Variants in PIWIL2 observed in about 807,000 individuals in gnomAD.
The protein encoded by PIWIL2 is piwi-like protein 2.
Under a neutral mutation model 116.5 loss-of-function variants are expected in PIWIL2, and 81 were observed. That is an observed-to-expected ratio of 0.70 (90% CI 0.58 to 0.84). PIWIL2 has a LOEUF of 0.84. Ranked by LOEUF, PIWIL2 falls within the 40% of genes least tolerant of loss-of-function variation. PIWIL2 has a pLI of 0.00. For missense variants in PIWIL2, 1,272 were observed against 1,212.3 expected, an observed-to-expected ratio of 1.05 and a Z score of -0.73; for synonymous variants, 489 against 429.5, an observed-to-expected ratio of 1.14 and a Z score of -1.71.
intron 20 of PIWIL2, among the ~76,000 whole-genome samples, chr8:22,331,863 C>T (rs960708199): frequency 6.6e-6 from 1 of 151,952 alleles, no homozygotes; most frequent in African/African-American, 2.4e-5. Flanking sequence ...ACCTTAAGTA[C>T]CTCTTTTAAG....
chr8:22,354,416 A>G (rs1038532923), intron 22 of PIWIL2, 38 bp downstream of exon 22: 5 of 1,342,546 alleles, frequency 3.7e-6, no homozygotes, highest in South Asian at 3.5e-5. Context: ...TCTTTCTTAA[A>G]TAATTCTGGC....
intron 20 of PIWIL2, among the ~76,000 whole-genome samples, chr8:22,334,879 A>C (rs1471210488): frequency 6.6e-6 from 1 of 151,792 alleles, no homozygotes; most frequent in Non-Finnish European, 1.5e-5. Flanking sequence ...ACATAGTGAA[A>C]CCTCATCTCT....
At chr8:22,326,439 T>A (rs1390750720) in intron 20 of PIWIL2, among the ~76,000 whole-genome samples, 1 of 152,148 alleles carries the variant, frequency 6.6e-6, no homozygotes, top group Admixed American at 6.5e-5. Flanking sequence ...AGAGGATCTC[T>A]AGTTTAAAAA....
rs568498963 is a variant in PIWIL2, at chr8:22,340,520, A to G, written c.2404-12439A>G. Among the ~76,000 whole-genome samples the G allele has an allele frequency of 5.9e-5, 9 of 152,276 alleles. No homozygotes were observed. In the South Asian group the frequency reaches 1.2e-3, roughly 21 times the overall value. On this transcript the variant is annotated intron_variant, in intron 20 of 22. Coordinates refer to ENST00000356766, the MANE Select transcript of PIWIL2 (RefSeq NM_018068.5). ...CCAGATTAGAGTGGGTCCTAAGCCAATGATGGGTATTACCTTAAGAAGACA... is the reference window on the plus strand; with the variant it reads ...CCAGATTAGAGTGGGTCCTAAGCCAGTGATGGGTATTACCTTAAGAAGACA...
At position 22,303,858 on chromosome 8, in the gene PIWIL2, C is replaced by T. The variant is rs182987577; in HGVS notation, c.1182-163C>T. On this transcript the variant is annotated intron_variant, in intron 10 of 22. Coordinates refer to ENST00000356766, the MANE Select transcript of PIWIL2 (RefSeq NM_018068.5). ...CCTCCTAAAATGCTGGGATTACAAG[C>T]GTGAGCCACTGCATCTGGCCAAGAG... Among the ~76,000 whole-genome samples, 23 of 152,258 alleles carry T rather than the reference C, an allele frequency of 1.5e-4. No homozygotes were observed. The East Asian group carries it at 3.1e-3, about 20-fold the overall frequency.
chr8:22,348,521 T>A, intron 20 of PIWIL2, among the ~76,000 whole-genome samples: 1 of 152,180 alleles, frequency 6.6e-6, no homozygotes. Flanking sequence ...ACTTACTGTT[T>A]CAAGTATCTA....
intron 20 of PIWIL2, among the ~76,000 whole-genome samples, chr8:22,349,475 GAGA>G (rs1174575522): frequency 5.4e-5 from 8 of 148,676 alleles, no homozygotes; most frequent in Admixed American, 4.7e-4. Context: ...TAACAACCCT[GAGA>G]AGAAGGTGAG....
intron 20 of PIWIL2, among the ~76,000 whole-genome samples, chr8:22,332,476 AG>A (rs1243864060): frequency 6.6e-6 from 1 of 152,148 alleles, no homozygotes; most frequent in African/African-American, 2.4e-5. Context: ...CCCAAACCAT[AG>A]ATTCAGAAAG....
At chr8:22,335,390 G>A (rs1245817810) in intron 20 of PIWIL2, among the ~76,000 whole-genome samples, 2 of 146,278 alleles carry the variant, frequency 1.4e-5, no homozygotes, top group African/African-American at 2.5e-5. Context: ...TCTTGAGACA[G>A]GATCTCTGTT....
intron 20 of PIWIL2, among the ~76,000 whole-genome samples, chr8:22,329,240 A>T (rs1831802795): frequency 6.6e-6 from 1 of 152,228 alleles, no homozygotes; most frequent in South Asian, 2.1e-4. Context: ...GATTAATACC[A>T]AATTAATTTT....
intron 20 of PIWIL2, among the ~76,000 whole-genome samples, chr8:22,331,233 TC>T (rs1230591122): frequency 6.6e-6 from 1 of 151,982 alleles, no homozygotes; most frequent in Non-Finnish European, 1.5e-5. Flanking sequence ...AGATAATTGA[TC>T]AGACACATTT....
intron 20 of PIWIL2, among the ~76,000 whole-genome samples, chr8:22,327,885 C>T (rs947577977): frequency 6.6e-6 from 1 of 152,142 alleles, no homozygotes; most frequent in Admixed American, 6.6e-5. Flanking sequence ...TTACAAATAT[C>T]TCCCCCCATT....
At chr8:22,319,596 A>G (rs1238123426) in intron 20 of PIWIL2, among the ~76,000 whole-genome samples, 1 of 152,176 alleles carries the variant, frequency 6.6e-6, no homozygotes, top group Non-Finnish European at 1.5e-5. Flanking sequence ...ATTACCCTGA[A>G]ACTTAGTGGC....
chr8:22,332,294 A>G (rs1340130100), intron 20 of PIWIL2, among the ~76,000 whole-genome samples: 1 of 152,130 alleles, frequency 6.6e-6, no homozygotes, highest in Non-Finnish European at 1.5e-5. Context: ...GGGCTTACAC[A>G]GTGAGACTCT....
In PIWIL2 at chr8:22,355,761, G is replaced by C. The variant is rs573905095; in HGVS notation, c.*256G>C. ...GGTACTGCCACTCTGCAGGTGGAGCGGGTGACTCTGGGGGACCATTAAGAC... is the reference window on the plus strand; with the variant it reads ...GGTACTGCCACTCTGCAGGTGGAGCCGGTGACTCTGGGGGACCATTAAGAC... On this transcript the variant is annotated 3_prime_UTR_variant, in exon 23 of 23. Coordinates refer to ENST00000356766, the MANE Select transcript of PIWIL2 (RefSeq NM_018068.5). 25 of 455,946 alleles carry C rather than the reference G, an allele frequency of 5.5e-5. No individual in the cohort carries two copies. The Middle Eastern group carries it at 1.9e-3, about 34-fold the overall frequency. The allele number at this position is 455,946 out of a possible 1,614,324, so 28.2% of individuals were successfully genotyped here.
chr8:22,299,938 TA>T (rs897770598), intron 10 of PIWIL2, among the ~76,000 whole-genome samples: 15 of 152,168 alleles, frequency 9.9e-5, no homozygotes, highest in Admixed American at 2.0e-4. Context: ...TTTATTTTAT[TA>T]TTTTTTTTTT....
At chr8:22,305,864 G>T in intron 12 of PIWIL2, 63 bp from the exon 13 acceptor site, 1 of 1,173,520 alleles carries the variant, frequency 8.5e-7, no homozygotes, top group Non-Finnish European at 1.3e-6. Context: ...GACATGTCCT[G>T]TATGGTCGGG....
intron 10 of PIWIL2, among the ~76,000 whole-genome samples, chr8:22,291,794 A>T (rs1830773764): frequency 6.6e-6 from 1 of 152,160 alleles, no homozygotes; most frequent in African/African-American, 2.4e-5. Context: ...TCAGATAGCA[A>T]AACAAAGATC....
At chr8:22,354,406 T>C (rs775640002) in intron 22 of PIWIL2, 28 bp downstream of exon 22, 17 of 1,422,292 alleles carry the variant, frequency 1.2e-5, no homozygotes, top group Non-Finnish European at 1.7e-5. Context: ...TTACTCTTTC[T>C]CTTTCTTAAA....
Sources: allele counts gnomAD v4.1 joint callset (sites outside exome capture counted in the v4.1 genomes callset), GRCh38; gene constraint gnomAD v4.1.1; transcripts MANE v1.5; gene names NCBI Gene and HGNC (gene_info 2026-07-23, HGNC 2026-07-21).